SDCBP2: variants seen among roughly 807,000 people sequenced by gnomAD.
SDCBP2 encodes the protein syntenin-2.
Under a neutral mutation model 30.7 loss-of-function variants are expected in SDCBP2, and 28 were observed. The observed-to-expected ratio is 0.91, with a 90% CI of 0.68 to 1.25. SDCBP2 has a LOEUF of 1.25. SDCBP2 is among the 50% of genes most tolerant of loss of function. The pLI is 0.00. For missense variants in SDCBP2, 399 were observed against 379.0 expected (o/e 1.05, Z -0.44); for synonymous variants, 166 against 157.3 (o/e 1.06, Z -0.41).
At chr20:1,327,240 A>G (rs966204834) in intron 1 of SDCBP2, among the ~76,000 whole-genome samples, 4 of 152,132 alleles carry the variant, frequency 2.6e-5, no homozygotes, top group South Asian at 2.1e-4. Flanking sequence ...CAACAAACCA[A>G]TAGCTGGGCT....
chr20:1,328,630 G>A (rs1260022997), intron 1 of SDCBP2, among the ~76,000 whole-genome samples: 2 of 152,166 alleles, frequency 1.3e-5, no homozygotes, highest in Non-Finnish European at 2.9e-5. Flanking sequence ...AGCCCCTGGC[G>A]CAGTTCCCCA....
In SDCBP2 at chr20:1,313,286, C is replaced by A. The variant is rs1250582829; in HGVS notation, c.384+54G>T. ...GGGCCCTCTGAGCTCTGAGGCCTGG[C>A]GGGAGAGCGCGTGCAGCTCGAGCTC... is the stretch of plus-strand genomic sequence containing the variant. On this transcript the variant is annotated intron_variant, in intron 5 of 8. Coordinates refer to ENST00000360779, the MANE Select transcript of SDCBP2 (RefSeq NM_080489.5). The surrounding 1 kb of genome is among the most constrained non-coding windows in gnomAD (Gnocchi z 5.2). The A allele has an allele frequency of 8.3e-6, 13 of 1,559,492 alleles. No homozygotes were observed. The highest frequency in any genetic ancestry group is 1.4e-5 in the African/African-American group (1 of 73,844).
At chr20:1,323,245 C>A (rs913393022) in intron 1 of SDCBP2, 2 of 152,186 alleles carry the variant, frequency 1.3e-5, no homozygotes, top group Non-Finnish European at 1.5e-5. Context: ...GAAGAGACCC[C>A]TTTGCTTATA....
chr20:1,313,606 G>T lies in SDCBP2; in HGVS notation c.226-108C>A. 10 of 1,430,990 alleles carry T rather than the reference G, an allele frequency of 7.0e-6. No homozygotes were observed. Among genetic ancestry groups the T allele is most frequent in the Non-Finnish European group, 8.2e-6 (9 of 1,094,396 alleles). 88.6% of individuals were successfully genotyped at this position (1,430,990 alleles called of 1,614,324 possible). A position where few individuals can be genotyped will look rare whatever the true frequency, so the allele number is the denominator to read the frequency against. On this transcript the variant is annotated intron_variant, in intron 4 of 8. Transcript: ENST00000360779. This position sits in a 1 kb window ranked among gnomAD's most constrained non-coding sequence, Gnocchi z 5.2. ...GGGAAAGGAGGATGGAGCCGTCCCC[G>T]GGTCCCCCCACGTCCCCAGTCCACG...
intron 3 of SDCBP2, chr20:1,319,389 G>C (rs1418504403): frequency 1.7e-6 from 1 of 601,750 alleles, no homozygotes; most frequent in East Asian, 3.0e-5. Context: ...ATGGGCACAG[G>C]CTCTGGGAGG....
At position 1,312,348 on chromosome 20, in the gene SDCBP2, T is replaced by C. The variant is rs771972985; in HGVS notation, c.721A>G (p.Ile241Val). ...GGCCACCAGCCTACCTTCAGCCCGA[T>C]AACATTCTGCCCGTCCACCTCACAC... Reference protein sequence around the residue: ...YVCEVDGQNVIGLKDKKIMEI... With the variant: ...YVCEVDGQNVVGLKDKKIMEI... The change falls in exon 7 of 9, where the codon ATC (isoleucine) becomes GTC (valine). Residue 241 changes from isoleucine to valine, a missense_variant. Transcript: ENST00000360779. 1.2e-6 allele frequency: 2 copies of C among 1,613,142 alleles called. No individual in the cohort carries two copies. The highest frequency in any genetic ancestry group is 2.2e-5 in the East Asian group (1 of 44,814).
In SDCBP2 at chr20:1,313,446, T is replaced by C. The variant is rs1271473505; in HGVS notation, c.278A>G (p.Tyr93Cys). ...CTCAGCTCGCCGCACGCCCAGGCTGTACCCGGTTACCGGTGCCACCATCTG... is the reference window on the plus strand; with the variant it reads ...CTCAGCTCGCCGCACGCCCAGGCTGCACCCGGTTACCGGTGCCACCATCTG... Reference protein sequence around the residue: ...PGQMVAPVTGYSLGVRRAEIK... With the variant: ...PGQMVAPVTGCSLGVRRAEIK... The change falls in exon 5 of 9, where the codon TAC (tyrosine) becomes TGC (cysteine). Residue 93 changes from tyrosine (Y) to cysteine (C), a missense_variant. Tyr to Cys is a radical substitution (Grantham distance 194). Transcript: ENST00000360779. The surrounding 1 kb of genome is among the most constrained non-coding windows in gnomAD (Gnocchi z 5.2). 5 of 1,601,142 alleles carry C rather than the reference T, an allele frequency of 3.1e-6. No individual in the cohort carries two copies. Among genetic ancestry groups the C allele is most frequent in the African/African-American group, 1.3e-5 (1 of 74,828 alleles).
At chr20:1,317,984 G>A (rs1009288329) in intron 4 of SDCBP2, 1 of 381,112 alleles carries the variant, frequency 2.6e-6, no homozygotes, top group Non-Finnish European at 5.1e-6. Context: ...TCTCGGCTCT[G>A]TTTATCCATG....
intron 8 of SDCBP2, 95 bp downstream of exon 8, chr20:1,310,705 G>T: frequency 8.6e-7 from 1 of 1,165,104 alleles, no homozygotes. Flanking sequence ...CACTGAGAAA[G>T]TGGAAGTGGC....
chr20:1,316,220 A>G (rs1187431596), intron 4 of SDCBP2, among the ~76,000 whole-genome samples: 1 of 152,264 alleles, frequency 6.6e-6, no homozygotes, highest in African/African-American at 2.4e-5. Context: ...CCACATCATC[A>G]GGTGCCAGGG....
At chr20:1,323,814 G>T (rs2088880545) in intron 1 of SDCBP2, 1 of 151,718 alleles carries the variant, frequency 6.6e-6, no homozygotes, top group Non-Finnish European at 1.5e-5. Context: ...ATTTTTATTT[G>T]AATTTTTGTT....
chr20:1,318,655 A>T (rs1024343960), intron 3 of SDCBP2, among the ~76,000 whole-genome samples: 1 of 152,090 alleles, frequency 6.6e-6, no homozygotes, highest in Non-Finnish European at 1.5e-5. Context: ...AACTCCACTG[A>T]CTTTATTTGA....
At chr20:1,311,047 T>C in intron 7 of SDCBP2, 156 bp from the exon 8 acceptor site, 1 of 574,754 alleles carries the variant, frequency 1.7e-6, no homozygotes, top group South Asian at 2.3e-5. Context: ...GCCTGTCAGA[T>C]GAGGGTCCCA....
At position 1,312,710 on chromosome 20, in the gene SDCBP2, A is replaced by C. The variant is rs1458249332; in HGVS notation, c.437T>G (p.Leu146Arg). The C allele has an allele frequency of 2.5e-6, 4 of 1,614,120 alleles. No homozygotes were observed. The highest frequency in any genetic ancestry group is 3.4e-6 in the Non-Finnish European group (4 of 1,180,028). ...QANTPASLVG[L>R]RFGDQLLQID... ...CTGCAGGAGCTGGTCCCCAAAGCGCAGCCCCACAAGGGATGCAGGGGTGTT... is the reference window on the plus strand; with the variant it reads ...CTGCAGGAGCTGGTCCCCAAAGCGCCGCCCCACAAGGGATGCAGGGGTGTT... The change falls in exon 6 of 9, where the codon CTG (leucine) becomes CGG (arginine). Residue 146 changes from leucine (L) to arginine (R), a missense_variant. Coordinates refer to ENST00000360779, the MANE Select transcript of SDCBP2 (RefSeq NM_080489.5).
At position 1,313,106 on chromosome 20, in the gene SDCBP2, G is replaced by A; in HGVS notation, c.384+234C>T. The A allele has an allele frequency of 1.7e-6, 1 of 599,862 alleles. No individual in the cohort carries two copies. The highest frequency in any genetic ancestry group is 2.9e-6 in the Non-Finnish European group (1 of 340,238). 37.2% of individuals were successfully genotyped at this position (599,862 alleles called of 1,614,324 possible). A position where few individuals can be genotyped will look rare whatever the true frequency, so the allele number is the denominator to read the frequency against. ...CAGCGAAGGGCAGGTGGGGAAGGGA[G>A]GCTCCTCCGAGCGACGGAAGCCCAC... On this transcript the variant is annotated intron_variant, in intron 5 of 8. Transcript: ENST00000360779. This position sits in a 1 kb window ranked among gnomAD's most constrained non-coding sequence, Gnocchi z 5.2.
At chr20:1,316,800 A>G (rs1250882051) in intron 4 of SDCBP2, among the ~76,000 whole-genome samples, 2 of 152,236 alleles carry the variant, frequency 1.3e-5, no homozygotes, top group African/African-American at 4.8e-5. Flanking sequence ...AACCTGTATA[A>G]GAATAACTTT....
rs1482956316 is a variant in SDCBP2, at chr20:1,310,891, C to T, written c.733G>A (p.Asp245Asn). 3 of 1,612,986 alleles carry T rather than the reference C, an allele frequency of 1.9e-6. No individual in the cohort carries two copies. The African/African-American group carries it at 4.0e-5, about 22-fold the overall frequency. ...VDGQNVIGLK[D>N]KKIMEILATA... ...GCCAGAATCTCCATGATCTTTTTGTCCTAGGGAGGAGGCAAGTAAGCGATC... is the reference window on the plus strand; with the variant it reads ...GCCAGAATCTCCATGATCTTTTTGTTCTAGGGAGGAGGCAAGTAAGCGATC... The change falls in exon 8 of 9, where the codon GAC becomes AAC. Residue 245 changes from aspartate to asparagine, a missense_variant and splice_region_variant. By Grantham distance (23) the Asp-to-Asn change is conservative. Transcript: ENST00000360779.
intron 5 of SDCBP2, 102 bp from the exon 6 acceptor site, chr20:1,312,864 G>T: frequency 7.7e-7 from 1 of 1,295,944 alleles, no homozygotes; most frequent in East Asian, 2.5e-5. Context: ...GGAACCTACA[G>T]GGTGCCAGGG....
At chr20:1,318,815 G>A (rs754670489) in intron 3 of SDCBP2, among the ~76,000 whole-genome samples, 5 of 152,188 alleles carry the variant, frequency 3.3e-5, no homozygotes, top group East Asian at 1.9e-4. Flanking sequence ...TCGTGTTCTC[G>A]TTTTCTCTCT....
Sources: allele counts gnomAD v4.1 joint callset (sites outside exome capture counted in the v4.1 genomes callset), GRCh38; gene constraint gnomAD v4.1.1; non-coding constraint Gnocchi (gnomAD v3.1); transcripts MANE v1.5; gene names NCBI Gene and HGNC (gene_info 2026-07-23, HGNC 2026-07-21).